TDRKH: variants seen among roughly 807,000 people sequenced by gnomAD.
The protein encoded by TDRKH is tudor and KH domain-containing protein.
TDRKH carries 28 observed loss-of-function variants against 61.3 expected under a neutral mutation model. The ratio of observed to expected loss-of-function variants is 0.46; its 90% CI spans 0.34 to 0.63. TDRKH has a LOEUF of 0.63. TDRKH is among the 20% of genes least tolerant of loss of function. TDRKH has a pLI of 0.01. For missense variants in TDRKH, 540 were observed against 683.4 expected (o/e 0.79, Z 2.34); for synonymous variants, 219 against 244.4 (o/e 0.90, Z 0.97).
At chr1:151,788,223 C>T (rs1349623642) in intron 1 of TDRKH, among the ~76,000 whole-genome samples, 1 of 152,212 alleles carries the variant, frequency 6.6e-6, no homozygotes, top group East Asian at 1.9e-4. Context: ...TGAAAATCAT[C>T]TCATTAAAAT....
chr1:151,781,776 G>A (rs866871351), intron 2 of TDRKH, 189 bp from the exon 3 acceptor site: 3 of 564,098 alleles, frequency 5.3e-6, no homozygotes, highest in Middle Eastern at 2.8e-4. Context: ...TCAGAGATGG[G>A]CATTTTCTCT....
downstream of TDRKH, among the ~76,000 whole-genome samples, chr1:151,768,611 C>A (rs1648459800): frequency 6.6e-6 from 1 of 152,118 alleles, no homozygotes; most frequent in Non-Finnish European, 1.5e-5. Context: ...AGAAAACGAC[C>A]AATAATATTT....
chr1:151,775,421 T>A lies in TDRKH; in HGVS notation c.1405A>T (p.Ile469Phe). Reference sequence around the variant, plus strand: ...CCATTGCTAGTATCATATAAGTAGATCTTTGGCCAAGTTGAGATCCCAGTC... The same window carrying A: ...CCATTGCTAGTATCATATAAGTAGAACTTTGGCCAAGTTGAGATCCCAGTC... ...VQTGISTWPK[I>F]YLYDTSNGKK... Residue 469 changes from isoleucine (I) to phenylalanine (F), a missense_variant, in exon 10 of 13, where the codon ATC (isoleucine) becomes TTC (phenylalanine). Ile to Phe is a conservative substitution (Grantham distance 21). This residue lies in a region of TDRKH where 379 missense variants were observed against 443.8 expected (regional missense o/e 0.85). Coordinates refer to ENST00000368824, the MANE Select transcript of TDRKH (RefSeq NM_001083965.2). The A allele has an allele frequency of 1.2e-6, 2 of 1,613,844 alleles. No individual in the cohort carries two copies. Among genetic ancestry groups the A allele is most frequent in the Non-Finnish European group, 1.7e-6 (2 of 1,179,918 alleles).
intron 2 of TDRKH, among the ~76,000 whole-genome samples, chr1:151,782,481 A>C (rs1470531219): frequency 1.3e-5 from 2 of 151,784 alleles, no homozygotes; most frequent in African/African-American, 4.8e-5. Flanking sequence ...TTTTAGTCAA[A>C]GATTCCTCAC....
At chr1:151,786,982 C>T (rs1235050745) in intron 1 of TDRKH, among the ~76,000 whole-genome samples, 1 of 152,188 alleles carries the variant, frequency 6.6e-6, no homozygotes, top group Non-Finnish European at 1.5e-5. Flanking sequence ...ATTGGATAAG[C>T]TTCTCTTTTT....
In TDRKH at chr1:151,778,777, A is replaced by C; in HGVS notation, c.791T>G (p.Val264Gly). Residue 264 changes from valine (V) to glycine (G), a missense_variant, in exon 6 of 13, where the codon GTA becomes GGA. Physicochemically the swap from Val to Gly is moderately radical, Grantham distance 109 (BLOSUM62 -3). Transcript: ENST00000368824. ...CTCCCAGGAACCTTCCTTTGACACTACCACAGCCATGTCGCCTCCTCCTTT... is the reference window on the plus strand; with the variant it reads ...CTCCCAGGAACCTTCCTTTGACACTCCCACAGCCATGTCGCCTCCTCCTTT... The part of the protein sequence containing the change: ...PPKGGGDMAV[V>G]VSKEGSWEKP... 1 of 1,614,192 alleles carries C rather than the reference A, an allele frequency of 6.2e-7. No homozygotes were observed. The highest frequency in any genetic ancestry group is 8.5e-7 in the Non-Finnish European group (1 of 1,180,050).
At chr1:151,770,133 A>C (rs1648612174), downstream of TDRKH, 1 of 1,609,910 alleles carries the variant, frequency 6.2e-7, no homozygotes, top group Non-Finnish European at 8.5e-7. Context: ...AGGGAGAGGG[A>C]GCGGCCAAAC....
Position 151,774,444 on chromosome 1 carries a change from C to T in TDRKH, c.*8G>A. On this transcript the variant is annotated 3_prime_UTR_variant, in exon 13 of 13. Coordinates refer to ENST00000368824, the MANE Select transcript of TDRKH (RefSeq NM_001083965.2). ...AAGCAGATGGCTGAGCAAACTGAAGCCCAGACTTCAGAGTAAGTAGTCATC... is the reference window on the plus strand; with the variant it reads ...AAGCAGATGGCTGAGCAAACTGAAGTCCAGACTTCAGAGTAAGTAGTCATC... 6.2e-7 allele frequency: 1 copy of T among 1,613,898 alleles called. No individual in the cohort carries two copies. Among genetic ancestry groups the T allele is most frequent in the Non-Finnish European group, 8.5e-7 (1 of 1,179,856 alleles).
rs1649959656 is a variant in TDRKH, at chr1:151,782,813, C to A, written c.124+86G>T. 5 of 1,451,804 alleles carry A rather than the reference C, an allele frequency of 3.4e-6. No individual in the cohort carries two copies. In the South Asian group the frequency reaches 4.5e-5, roughly 13 times the overall value. The allele number at this position is 1,451,804 out of a possible 1,614,324, so 89.9% of individuals were successfully genotyped here. A position where few individuals can be genotyped will look rare whatever the true frequency, so the allele number is the denominator to read the frequency against. ...ACCCCAAAACAAAACACACACAATA[C>A]CTGGCAAGGAAAGAGTTTTTTTCAA... On this transcript the variant is annotated intron_variant, in intron 2 of 12. Coordinates refer to ENST00000368824, the MANE Select transcript of TDRKH (RefSeq NM_001083965.2).
chr1:151,777,719 A>ATTTTTTTT (rs35582886), intron 6 of TDRKH, among the ~76,000 whole-genome samples: 3 of 129,702 alleles, frequency 2.3e-5, no homozygotes, highest in Non-Finnish European at 4.8e-5. Flanking sequence ...AAAATAGTTA[A>ATTTTTTTT]TTTTTTTTTT....
chr1:151,771,145 CCCTT>C, downstream of TDRKH: 1 of 1,613,732 alleles, frequency 6.2e-7, no homozygotes, highest in Non-Finnish European at 8.5e-7. Context: ...TGCCCTCCCT[CCCTT>C]GGACAATGTC....
At chr1:151,785,494 T>C (rs1650228722) in intron 1 of TDRKH, among the ~76,000 whole-genome samples, 1 of 152,248 alleles carries the variant, frequency 6.6e-6, no homozygotes, top group Non-Finnish European at 1.5e-5. Flanking sequence ...TAGATGCTAC[T>C]GTGGCACTAA....
intron 12 of TDRKH, 70 bp downstream of exon 12, chr1:151,774,640 C>T (rs1255944379): frequency 1.9e-6 from 3 of 1,596,210 alleles, no homozygotes; most frequent in African/African-American, 1.3e-5. Flanking sequence ...ATTAACCTCC[C>T]TACTCTGGAA....
downstream of TDRKH, chr1:151,771,000 G>A (rs1052720845): frequency 1.0e-5 from 15 of 1,501,202 alleles, no homozygotes; most frequent in Non-Finnish European, 1.1e-5. Context: ...ACTCCCTAGT[G>A]GAAGAAATCA....
chr1:151,770,479 T>A (rs1255671098), downstream of TDRKH: 2 of 547,638 alleles, frequency 3.7e-6, no homozygotes, highest in Non-Finnish European at 6.2e-6. Context: ...GGGGCCAGAC[T>A]GAAGGAGCAC....
chr1:151,787,193 T>TA (rs1650394637), intron 1 of TDRKH, among the ~76,000 whole-genome samples: 1 of 152,206 alleles, frequency 6.6e-6, no homozygotes, highest in Non-Finnish European at 1.5e-5. Flanking sequence ...AGAAAGAATT[T>TA]GACTTCTTTT....
rs1649209706 is a variant in TDRKH, at chr1:151,776,608, A to AC, written c.884-10_884-9insG. On this transcript the variant is annotated splice_polypyrimidine_tract_variant and intron_variant, in intron 6 of 12. Coordinates refer to ENST00000368824, the MANE Select transcript of TDRKH (RefSeq NM_001083965.2). The stretch of plus-strand genomic sequence containing the variant: ...GAAGTCAGGACTGGGGACTGAACAC[A>AC]GAGATAAGGATGGTGGCCACATCAG... The AC allele has an allele frequency of 1.2e-5, 19 of 1,613,762 alleles. No homozygotes were observed. The highest frequency in any genetic ancestry group is 4.0e-5 in the African/African-American group (3 of 74,924).
chr1:151,770,542 G>A, downstream of TDRKH: 1 of 361,474 alleles, frequency 2.8e-6, no homozygotes, highest in Non-Finnish European at 5.1e-6. Flanking sequence ...GGACAAAATG[G>A]ATCTCAAACA....
At chr1:151,766,674 C>T (rs1163337419), downstream of TDRKH, 4 of 1,550,080 alleles carry the variant, frequency 2.6e-6, no homozygotes, top group Admixed American at 5.9e-5. Context: ...ACCTCTGCCA[C>T]CCACCTGTGA....
Sources: gnomAD v4.1 joint callset for allele counts (sites outside exome capture counted in the v4.1 genomes callset) on GRCh38, gnomAD v4.1.1 for gene constraint, gnomAD v4.1.1 regional missense constraint, MANE v1.5 for transcripts, NCBI Gene and HGNC (gene_info 2026-07-23, HGNC 2026-07-21) for gene names.